Variants in AACS observed in about 807,000 individuals in gnomAD.
AACS encodes acetoacetyl-CoA synthetase.
In AACS, 69 loss-of-function variants were observed where a neutral mutation model predicts 83.1. The ratio of observed to expected loss-of-function variants is 0.83; its 90% CI spans 0.68 to 1.01. AACS has a LOEUF of 1.01. Among genes scored for constraint, AACS ranks in the 50% least tolerant of loss-of-function variants. AACS has a pLI of 0.00. For missense variants in AACS, 866 were observed against 882.2 expected (o/e 0.98, Z 0.23); for synonymous variants, 333 against 343.4 (o/e 0.97, Z 0.33).
At chr12:125,119,691 C>T (rs1592994471) in intron 10 of AACS, among the ~76,000 whole-genome samples, 1 of 152,190 alleles carries the variant, frequency 6.6e-6, no homozygotes. Context: ...CTGGGTCCCT[C>T]GTACGACACA....
chr12:125,107,494 C>T (rs371228445), intron 8 of AACS, among the ~76,000 whole-genome samples: 2 of 152,268 alleles, frequency 1.3e-5, no homozygotes, highest in African/African-American at 2.4e-5. Flanking sequence ...AACACCATGG[C>T]GATAGGCTTG....
At chr12:125,076,328 A>C (rs907860064) in intron 2 of AACS, among the ~76,000 whole-genome samples, 163 bp from the exon 3 acceptor site, 5 of 152,202 alleles carry the variant, frequency 3.3e-5, no homozygotes, top group African/African-American at 9.7e-5. Context: ...GCCAGTTCAG[A>C]GTTCAGTCCA....
chr12:125,110,186 AGTTTGTGTGT>A, intron 8 of AACS, among the ~76,000 whole-genome samples: 1 of 111,220 alleles, frequency 9.0e-6, no homozygotes, highest in South Asian at 3.1e-4. Context: ...CGGCCGGCTA[AGTTTGTGTGT>A]GTGTGTGTGT....
chr12:125,095,057 C>T (rs886764954), intron 5 of AACS, among the ~76,000 whole-genome samples: 2 of 151,786 alleles, frequency 1.3e-5, no homozygotes, highest in Non-Finnish European at 2.9e-5. Flanking sequence ...CATTCTCGCT[C>T]GCTCTGGGTG....
chr12:125,105,894 A>G (rs1272644710), intron 7 of AACS: 3 of 152,178 alleles, frequency 2.0e-5, no homozygotes, highest in Admixed American at 6.5e-5. Flanking sequence ...TGGGATTCTT[A>G]TAGGAGGTAG....
chr12:125,104,086 C>A (rs1296923781), intron 7 of AACS, among the ~76,000 whole-genome samples: 2 of 139,494 alleles, frequency 1.4e-5, no homozygotes, highest in Admixed American at 7.6e-5. Context: ...AAGCTGAATT[C>A]TTCCCAAAGT....
chr12:125,096,242 C>T (rs947279547), intron 5 of AACS, among the ~76,000 whole-genome samples: 1 of 152,236 alleles, frequency 6.6e-6, no homozygotes, highest in Non-Finnish European at 1.5e-5. Context: ...CCACTGTGCC[C>T]AGCCTTATTG....
intron 4 of AACS, among the ~76,000 whole-genome samples, chr12:125,088,751 T>G (rs1489648448): frequency 6.6e-6 from 1 of 152,222 alleles, no homozygotes; most frequent in Non-Finnish European, 1.5e-5. Flanking sequence ...AAGGTCCCTG[T>G]GAGCTATGCT....
intron 17 of AACS, chr12:125,138,276 C>G (rs1214610198): frequency 2.0e-5 from 3 of 152,224 alleles, no homozygotes; most frequent in Non-Finnish European, 4.4e-5. Flanking sequence ...CCTTTGTGTT[C>G]TGGTTCTGCA....
intron 5 of AACS, among the ~76,000 whole-genome samples, chr12:125,098,436 T>G (rs1363147074): frequency 6.6e-6 from 1 of 151,692 alleles, no homozygotes; most frequent in Admixed American, 6.6e-5. Context: ...TTTCTTTTGT[T>G]CTGTTTTTCT....
chr12:125,083,389 C>G (rs1380505974), intron 3 of AACS, among the ~76,000 whole-genome samples: 1 of 152,004 alleles, frequency 6.6e-6, no homozygotes, highest in Non-Finnish European at 1.5e-5. Context: ...CCATCGATTC[C>G]CCAGGTCAGG....
chr12:125,125,318 A>G (rs1957231072), intron 12 of AACS, among the ~76,000 whole-genome samples: 1 of 152,194 alleles, frequency 6.6e-6, no homozygotes, highest in Non-Finnish European at 1.5e-5. Context: ...TACATTTTTT[A>G]TCTTGCAAAA....
chr12:125,124,581 A>G, intron 10 of AACS, 124 bp from the exon 11 acceptor site: 1 of 1,116,064 alleles, frequency 9.0e-7, no homozygotes, highest in Non-Finnish European at 1.3e-6. Context: ...GTATGAGTTC[A>G]ACCCAGAAAA....
chr12:125,099,718 G>A lies in AACS; in HGVS notation c.571-2961G>A, dbSNP rs150968743. On this transcript the variant is annotated intron_variant, in intron 5 of 17. Transcript: ENST00000316519. ...GTTTGTTTGTTTGAGATGGAGTCTC[G>A]CTCTATCACCGAGGCCGCATGATCT... is the stretch of plus-strand genomic sequence containing the variant. 6.0e-4 allele frequency among the ~76,000 whole-genome samples: 91 copies of A among 152,236 alleles called. 1 individual carries two copies. In the East Asian group the frequency reaches 0.016, roughly 27 times the overall value.
At chr12:125,083,693 G>A (rs1406674358) in intron 3 of AACS, among the ~76,000 whole-genome samples, 3 of 151,960 alleles carry the variant, frequency 2.0e-5, no homozygotes. Context: ...TCACTCGGTC[G>A]CCGAGGCTGG....
intron 12 of AACS, chr12:125,127,105 A>C (rs1313010079): frequency 6.6e-6 from 1 of 150,818 alleles, no homozygotes; most frequent in Admixed American, 6.6e-5. Flanking sequence ...GTGCCATTGC[A>C]CTCCAGCCTG....
intron 9 of AACS, among the ~76,000 whole-genome samples, chr12:125,116,449 T>C (rs898842077): frequency 6.6e-6 from 1 of 152,088 alleles, no homozygotes; most frequent in Non-Finnish European, 1.5e-5. Context: ...CTGTGTTCTT[T>C]TATTTTTATT....
At chr12:125,102,569 A>T (rs889455351) in intron 5 of AACS, 110 bp from the exon 6 acceptor site, 10 of 891,670 alleles carry the variant, frequency 1.1e-5, no homozygotes, top group Non-Finnish European at 1.9e-5. Flanking sequence ...GGCTCAAGCA[A>T]TCCTCCCACC....
intron 12 of AACS, among the ~76,000 whole-genome samples, chr12:125,125,233 A>G (rs969001550): frequency 1.3e-5 from 2 of 152,236 alleles, no homozygotes; most frequent in Non-Finnish European, 2.9e-5. Flanking sequence ...TGGGGGAAAT[A>G]GATTTATGTA....
Sources: allele counts gnomAD v4.1 joint callset (sites outside exome capture counted in the v4.1 genomes callset), GRCh38; gene constraint gnomAD v4.1.1; transcripts MANE v1.5; gene names NCBI Gene and HGNC (gene_info 2026-07-23, HGNC 2026-07-21).